Variants in KCNJ2 observed in about 807,000 individuals in gnomAD.
KCNJ2 encodes inward rectifier potassium channel 2.
In KCNJ2, 12 loss-of-function variants were observed where a neutral mutation model predicts 28.4. That is an observed-to-expected ratio of 0.42 (90% CI 0.27 to 0.68). KCNJ2 has a LOEUF of 0.68. KCNJ2 is among the 30% of genes least tolerant of loss of function. The pLI is 0.23. For missense variants in KCNJ2, 320 were observed against 551.3 expected, an observed-to-expected ratio of 0.58 and a Z score of 4.20; for synonymous variants, 200 against 203.2, an observed-to-expected ratio of 0.98 and a Z score of 0.13.
At chr17:70,172,345 ACTC>A (rs1407154675) in intron 1 of KCNJ2, among the ~76,000 whole-genome samples, 6 of 147,448 alleles carry the variant, frequency 4.1e-5, no homozygotes, top group Admixed American at 6.8e-5. Context: ...AAAGCCCAAA[ACTC>A]CTCTTTTTCT....
At chr17:70,169,942 A>T (rs1447060708) in intron 1 of KCNJ2, among the ~76,000 whole-genome samples, 1 of 152,184 alleles carries the variant, frequency 6.6e-6, no homozygotes, top group Non-Finnish European at 1.5e-5. Context: ...GAGCAATAGA[A>T]ACAGATTTCT....
rs1567823679 is a variant in KCNJ2 at position 70,177,751 on chromosome 17, A to T, written c.*1428A>T. ...AGGAAACTTGCCTTTTTTATGGCAG[A>T]GGATAGTAATGAAAATGTCTCAGTA... is the stretch of plus-strand genomic sequence containing the variant. On this transcript the variant is annotated 3_prime_UTR_variant, in exon 2 of 2. Coordinates refer to ENST00000243457, the MANE Select transcript of KCNJ2 (RefSeq NM_000891.3). 1 of 167,164 alleles carries T rather than the reference A, an allele frequency of 6.0e-6. No homozygotes were observed. 10.4% of individuals were successfully genotyped at this position (167,164 alleles called of 1,614,324 possible).
At position 70,179,258 on chromosome 17, in the gene KCNJ2, G is replaced by A. The variant is rs1854890606; in HGVS notation, c.*2935G>A. 6.0e-6 allele frequency: 1 copy of A among 166,616 alleles called. No individual in the cohort carries two copies. The highest frequency in any genetic ancestry group is 1.5e-5 in the Non-Finnish European group (1 of 68,062). The allele number at this position is 166,616 out of a possible 1,614,324, so 10.3% of individuals were successfully genotyped here. On this transcript the variant is annotated 3_prime_UTR_variant, in exon 2 of 2. Coordinates refer to ENST00000243457, the MANE Select transcript of KCNJ2 (RefSeq NM_000891.3). ...GAATATCTGGGGTTGATTCCCAGATGTGTGTTGCTTCTCTATTGCAAGCAG... is the reference window on the plus strand; with the variant it reads ...GAATATCTGGGGTTGATTCCCAGATATGTGTTGCTTCTCTATTGCAAGCAG...
In KCNJ2 at chr17:70,177,991, AT is replaced by A. The variant is rs145779709; in HGVS notation, c.*1678del. On this transcript the variant is annotated 3_prime_UTR_variant, in exon 2 of 2. Transcript: ENST00000243457. The stretch of plus-strand genomic sequence containing the variant: ...GGCTGACTGCCTTGCTAGAAACATA[AT>A]TTTTTTTTTCTCACTGAAGCTCAAT... 76 of 149,546 alleles carry A rather than the reference AT, an allele frequency of 5.1e-4. 1 individual carries two copies. The East Asian group carries it at 8.8e-3, about 17-fold the overall frequency. The allele number at this position is 149,546 out of a possible 1,614,324, so 9.3% of individuals were successfully genotyped here.
At chr17:70,172,312 CA>C (rs60636682) in intron 1 of KCNJ2, among the ~76,000 whole-genome samples, 2,970 of 85,692 alleles carry the variant, frequency 0.035, 14 homozygotes, top group African/African-American at 0.07. Context: ...TTCTTTTTGC[CA>C]AAAAAAAAAA....
Position 70,175,603 on chromosome 17 carries a change from G to A in KCNJ2, c.564G>A (p.Lys188=), listed in dbSNP as rs1290560008. Residue 188 remains lysine (K), a synonymous_variant, in exon 2 of 2, where the codon AAG becomes AAA. Coordinates refer to ENST00000243457, the MANE Select transcript of KCNJ2 (RefSeq NM_000891.3). The surrounding 1 kb of genome is among the most constrained non-coding windows in gnomAD (Gnocchi z 8.3). The part of the protein sequence containing the change: ...AVMAKMAKPK[K]RNETLVFSHN... ...TGGCCAAGATGGCAAAGCCAAAGAA[G>A]AGAAACGAGACTCTTGTCTTCAGTC... 6.2e-7 allele frequency: 1 copy of A among 1,614,116 alleles called. No individual in the cohort carries two copies. The highest frequency in any genetic ancestry group is 8.5e-7 in the Non-Finnish European group (1 of 1,180,046).
At position 70,169,556 on chromosome 17, in the gene KCNJ2, C is replaced by G. The variant is rs2074353158; in HGVS notation, c.-362C>G. The stretch of plus-strand genomic sequence containing the variant: ...CAGAGCGCACTGGAGCCCTGGCCAG[C>G]GCGCAGCCTTCCCGGCGCCGGCGGG... On this transcript the variant is annotated 5_prime_UTR_variant, in exon 1 of 2. Coordinates refer to ENST00000243457, the MANE Select transcript of KCNJ2 (RefSeq NM_000891.3). The G allele has an allele frequency of 1.3e-5, 2 of 152,488 alleles. No individual in the cohort carries two copies. The highest frequency in any genetic ancestry group is 4.8e-5 in the African/African-American group (2 of 41,438). The allele number at this position is 152,488 out of a possible 1,614,324, so 9.4% of individuals were successfully genotyped here.
chr17:70,176,345 ATAGT>A lies in KCNJ2; in HGVS notation c.*25_*28del. 6.2e-7 allele frequency: 1 copy of A among 1,607,628 alleles called. No homozygotes were observed. Among genetic ancestry groups the A allele is most frequent in the Non-Finnish European group, 8.5e-7 (1 of 1,174,098 alleles). On this transcript the variant is annotated 3_prime_UTR_variant, in exon 2 of 2. Transcript: ENST00000243457. ...ATGACTGACTGATTCCTTCTCTGGA[ATAGT>A]TACTTTACAACACGGTCTGTTGGTC...
rs41282059 is a variant in KCNJ2 at position 70,174,980 on chromosome 17, G to A, written c.-60G>A. On this transcript the variant is annotated 5_prime_UTR_variant, in exon 2 of 2. Transcript: ENST00000243457. The stretch of plus-strand genomic sequence containing the variant: ...ACATTCAAAACTGTTTCTCCAAAGC[G>A]TTTTGCAAAAACTCAGACTGTTTTC... 3.6e-4 allele frequency: 565 copies of A among 1,559,104 alleles called. No individual in the cohort carries two copies. Among genetic ancestry groups the A allele is most frequent in the Admixed American group, 6.5e-4 (38 of 58,674 alleles).
In KCNJ2 at chr17:70,176,365, T is replaced by C. The variant is rs2074393439; in HGVS notation, c.*42T>C. ...CTGGAATAGTTACTTTACAACACGG[T>C]CTGTTGGTCAGAGGCCCAAAACAGT... On this transcript the variant is annotated 3_prime_UTR_variant, in exon 2 of 2. Coordinates refer to ENST00000243457, the MANE Select transcript of KCNJ2 (RefSeq NM_000891.3). 6.3e-7 allele frequency: 1 copy of C among 1,585,422 alleles called. No individual in the cohort carries two copies. Among genetic ancestry groups the C allele is most frequent in the Non-Finnish European group, 8.7e-7 (1 of 1,153,970 alleles).
chr17:70,176,360 C>T lies in KCNJ2; in HGVS notation c.*37C>T, dbSNP rs767742256. 6.3e-7 allele frequency: 1 copy of T among 1,590,890 alleles called. No individual in the cohort carries two copies. Among genetic ancestry groups the T allele is most frequent in the Non-Finnish European group, 8.6e-7 (1 of 1,158,866 alleles). On this transcript the variant is annotated 3_prime_UTR_variant, in exon 2 of 2. Transcript: ENST00000243457. Reference sequence around the variant, plus strand: ...CTTCTCTGGAATAGTTACTTTACAACACGGTCTGTTGGTCAGAGGCCCAAA... The same window carrying T: ...CTTCTCTGGAATAGTTACTTTACAATACGGTCTGTTGGTCAGAGGCCCAAA...
rs1408994567 is a variant in KCNJ2, at chr17:70,178,863, C to T, written c.*2540C>T. 1 of 166,690 alleles carries T rather than the reference C, an allele frequency of 6.0e-6. No homozygotes were observed. Among genetic ancestry groups the T allele is most frequent in the Non-Finnish European group, 1.5e-5 (1 of 68,064 alleles). 10.3% of individuals were successfully genotyped at this position (166,690 alleles called of 1,614,324 possible). ...GAGGTCTGTAAAGAAAAATAATTGC[C>T]ATAGAAAGTATAATTTCAGTGCAGT... On this transcript the variant is annotated 3_prime_UTR_variant, in exon 2 of 2. Transcript: ENST00000243457.
chr17:70,172,161 G>A (rs773194164), intron 1 of KCNJ2, among the ~76,000 whole-genome samples: 6 of 151,758 alleles, frequency 4.0e-5, no homozygotes, highest in African/African-American at 1.2e-4. Context: ...TATTAAGACC[G>A]TTACCCCATC....
Position 70,175,402 on chromosome 17 carries a change from T to A in KCNJ2, c.363T>A (p.Ala121=). The change falls in exon 2 of 2, where the codon GCT becomes GCA. Residue 121 remains alanine, a synonymous_variant. Coordinates refer to ENST00000243457, the MANE Select transcript of KCNJ2 (RefSeq NM_000891.3). This position sits in a 1 kb window ranked among gnomAD's most constrained non-coding sequence, Gnocchi z 8.3. ...GDLDASKEGK[A]CVSEVNSFTA... ...TGGATGCATCCAAAGAGGGCAAAGCTTGTGTGTCCGAGGTCAACAGCTTCA... is the reference window on the plus strand; with the variant it reads ...TGGATGCATCCAAAGAGGGCAAAGCATGTGTGTCCGAGGTCAACAGCTTCA... 2.5e-6 allele frequency: 4 copies of A among 1,614,172 alleles called. No homozygotes were observed. The highest frequency in any genetic ancestry group is 3.4e-6 in the Non-Finnish European group (4 of 1,180,022).
At position 70,178,520 on chromosome 17, in the gene KCNJ2, C is replaced by G. The variant is rs1392566112; in HGVS notation, c.*2197C>G. On this transcript the variant is annotated 3_prime_UTR_variant, in exon 2 of 2. Transcript: ENST00000243457. ...ATGATGTTTTGCAAAGGAAAATAATCAAACCAAAGAGTATTCAGTGATATG... is the reference window on the plus strand; with the variant it reads ...ATGATGTTTTGCAAAGGAAAATAATGAAACCAAAGAGTATTCAGTGATATG... The G allele has an allele frequency of 6.0e-6, 1 of 166,786 alleles. No individual in the cohort carries two copies. The highest frequency in any genetic ancestry group is 2.1e-4 in the South Asian group (1 of 4,824). The allele number at this position is 166,786 out of a possible 1,614,324, so 10.3% of individuals were successfully genotyped here.
At chr17:70,170,718 A>G (rs2074360781) in intron 1 of KCNJ2, among the ~76,000 whole-genome samples, 2 of 152,218 alleles carry the variant, frequency 1.3e-5, no homozygotes, top group African/African-American at 4.8e-5. Context: ...TCTGCTGTAC[A>G]TTATCTGTAC....
At position 70,176,293 on chromosome 17, in the gene KCNJ2, C is replaced by G. The variant is rs748445140; in HGVS notation, c.1254C>G (p.Pro418=). 6.1e-5 allele frequency: 98 copies of G among 1,614,106 alleles called. No individual in the cohort carries two copies. The South Asian group carries it at 9.1e-4, about 15-fold the overall frequency. Residue 418 remains proline, a synonymous_variant, in exon 2 of 2, where the codon CCC becomes CCG. Transcript: ENST00000243457. The part of the protein sequence containing the change: ...LHNQASVPLE[P]RPLRRESEI ...ACCAGGCAAGTGTACCTCTAGAGCC[C>G]AGGCCCTTACGGCGAGAGTCGGAGA...
intron 1 of KCNJ2, among the ~76,000 whole-genome samples, chr17:70,172,230 C>T (rs534340270): frequency 2.9e-5 from 4 of 138,030 alleles, no homozygotes; most frequent in African/African-American, 1.1e-4. Flanking sequence ...AGTCTGCATA[C>T]ATATATGTGT....
chr17:70,178,560 A>T lies in KCNJ2; in HGVS notation c.*2237A>T, dbSNP rs1410934437. 1 of 164,254 alleles carries T rather than the reference A, an allele frequency of 6.1e-6. No homozygotes were observed. Among genetic ancestry groups the T allele is most frequent in the Non-Finnish European group, 1.5e-5 (1 of 67,374 alleles). The allele number at this position is 164,254 out of a possible 1,614,324, so 10.2% of individuals were successfully genotyped here. ...TCAGTGATATGTAAATTAAATGAAG[A>T]TACAGTGGAGAATGGGGGTGACCAC... On this transcript the variant is annotated 3_prime_UTR_variant, in exon 2 of 2. Coordinates refer to ENST00000243457, the MANE Select transcript of KCNJ2 (RefSeq NM_000891.3).
Sources: gnomAD v4.1 joint callset for allele counts (sites outside exome capture counted in the v4.1 genomes callset) on GRCh38, gnomAD v4.1.1 for gene constraint, Gnocchi (gnomAD v3.1) non-coding constraint, MANE v1.5 for transcripts, NCBI Gene and HGNC (gene_info 2026-07-23, HGNC 2026-07-21) for gene names.